The following RDX variants were observed in gnomAD, a reference collection of about 807,000 sequenced individuals.
RDX encodes the protein radixin, also known as deafness, autosomal recessive 24.
In RDX, 32 loss-of-function variants were observed where a neutral mutation model predicts 83.7. The ratio of observed to expected loss-of-function variants is 0.38; its 90% CI spans 0.29 to 0.51. The LOEUF (loss-of-function observed/expected upper bound fraction) is 0.51. RDX is among the 20% of genes least tolerant of loss of function. The pLI, the probability that RDX is intolerant of heterozygous loss-of-function variation, is 0.87. For missense variants in RDX, 600 were observed against 689.9 expected, an observed-to-expected ratio of 0.87 and a Z score of 1.46; for synonymous variants, 229 against 222.7, an observed-to-expected ratio of 1.03 and a Z score of -0.25.
intron 10 of RDX, among the ~76,000 whole-genome samples, chr11:110,240,613 C>T (rs1479829316): frequency 2.0e-5 from 3 of 151,342 alleles, no homozygotes; most frequent in African/African-American, 4.9e-5. Context: ...GGCGTGGTAG[C>T]GGGCGCCTGT....
rs758609386 is a variant in RDX at position 110,264,114 on chromosome 11, G to C, written c.313C>G (p.Gln105Glu). 1 of 1,613,660 alleles carries C rather than the reference G, an allele frequency of 6.2e-7. No homozygotes were observed. The change falls in exon 5 of 14, where the codon CAA becomes GAA. Residue 105 changes from glutamine (Q) to glutamate (E), a missense_variant. By Grantham distance (29) the Gln-to-Glu change is conservative. Transcript: ENST00000645495. ...QEITQRLFFLQVKEAILNDEI... is the reference protein window; with the variant it reads ...QEITQRLFFLEVKEAILNDEI... Reference sequence around the variant, plus strand: ...TCATTTAAGATGGCTTCTTTAACTTGCAAGAAGAAGAGTCTCTGGGTTATT... The same window carrying C: ...TCATTTAAGATGGCTTCTTTAACTTCCAAGAAGAAGAGTCTCTGGGTTATT...
chr11:110,225,352 T>C (rs1864396566), downstream of RDX, among the ~76,000 whole-genome samples: 1 of 152,214 alleles, frequency 6.6e-6, no homozygotes. Flanking sequence ...CGAAAAGGAA[T>C]ATTCCAAATC....
chr11:110,199,648 C>A (rs1222375808), exon 15 of RDX: 1 of 703,054 alleles, frequency 1.4e-6, no homozygotes, highest in Non-Finnish European at 2.6e-6. Context: ...AAGAGCGCAT[C>A]TGGAACAATG....
chr11:110,247,219 T>C (rs1021295679), intron 10 of RDX, among the ~76,000 whole-genome samples: 5 of 152,214 alleles, frequency 3.3e-5, no homozygotes, highest in Non-Finnish European at 7.4e-5. Flanking sequence ...AACACGTCTA[T>C]GTGTTGTGTA....
At chr11:110,179,781 T>C (rs1212984519) in intron 15 of RDX, 3 of 333,944 alleles carry the variant, frequency 9.0e-6, no homozygotes, top group Non-Finnish European at 1.8e-5. Context: ...AAAAAACAAT[T>C]ATAATAATAA....
intron 15 of RDX, among the ~76,000 whole-genome samples, chr11:110,193,910 T>A (rs376074466): frequency 6.6e-6 from 1 of 152,258 alleles, no homozygotes; most frequent in African/African-American, 2.4e-5. Flanking sequence ...ACCGAAGCAA[T>A]TGGTAATTTG....
intron 10 of RDX, among the ~76,000 whole-genome samples, chr11:110,243,734 C>T (rs1023747569): frequency 6.6e-6 from 1 of 151,822 alleles, no homozygotes; most frequent in Non-Finnish European, 1.5e-5. Flanking sequence ...AAAAAAAATA[C>T]ATGCAATATA....
At chr11:110,204,168 A>G (rs1463580563) in intron 14 of RDX, among the ~76,000 whole-genome samples, 1 of 152,156 alleles carries the variant, frequency 6.6e-6, no homozygotes, top group African/African-American at 2.4e-5. Context: ...AATTATTTGC[A>G]GAAAATGAAG....
chr11:110,294,847 A>G (rs1176007819), intron 1 of RDX, among the ~76,000 whole-genome samples: 1 of 152,248 alleles, frequency 6.6e-6, no homozygotes, highest in Non-Finnish European at 1.5e-5. Context: ...GGAGTGAACA[A>G]AACATTGTAT....
rs1200450199 is a variant in RDX at position 110,269,123 on chromosome 11, T to C, written c.96+3413A>G. 3.3e-5 allele frequency among the ~76,000 whole-genome samples: 5 copies of C among 152,146 alleles called. No individual in the cohort carries two copies. The South Asian group carries it at 1.0e-3, about 32-fold the overall frequency. On this transcript the variant is annotated intron_variant, in intron 3 of 13. Coordinates refer to ENST00000645495, the MANE Select transcript of RDX (RefSeq NM_002906.4). ...TGTGCACCACCACACTCAGCTAATG[T>C]TTGCATTTTTAGTAGAGACAGTTTT... is the stretch of plus-strand genomic sequence containing the variant.
chr11:110,176,052 G>T (rs925363326), intron 15 of RDX, among the ~76,000 whole-genome samples: 1 of 151,834 alleles, frequency 6.6e-6, no homozygotes, highest in African/African-American at 2.4e-5. Flanking sequence ...GGGTGAGGGC[G>T]CACCAGCACC....
chr11:110,231,699 A>T lies in RDX; in HGVS notation c.*170T>A. 1 of 731,226 alleles carries T rather than the reference A, an allele frequency of 1.4e-6. No homozygotes were observed. Among genetic ancestry groups the T allele is most frequent in the Non-Finnish European group, 2.4e-6 (1 of 409,874 alleles). 45.3% of individuals were successfully genotyped at this position (731,226 alleles called of 1,614,324 possible). ...AAAAAAGAAAACCAAGCATGATATCATACTGCCTTAATGTTGAAGAGCTCC... is the reference window on the plus strand; with the variant it reads ...AAAAAAGAAAACCAAGCATGATATCTTACTGCCTTAATGTTGAAGAGCTCC... On this transcript the variant is annotated 3_prime_UTR_variant, in exon 14 of 14. Transcript: ENST00000645495.
intron 3 of RDX, 57 bp from the exon 4 acceptor site, chr11:110,264,931 T>C (rs1469675624): frequency 1.7e-6 from 2 of 1,207,482 alleles, no homozygotes; most frequent in Non-Finnish European, 2.5e-6. Flanking sequence ...ACATTGTGTC[T>C]AGATGATACT....
intron 14 of RDX, among the ~76,000 whole-genome samples, chr11:110,221,582 A>C (rs557006562): frequency 6.7e-6 from 1 of 148,548 alleles, no homozygotes; most frequent in African/African-American, 2.5e-5. Context: ...TGGGCAACAG[A>C]GCAAGACCCT....
At chr11:110,267,596 T>G (rs1478222024) in intron 3 of RDX, among the ~76,000 whole-genome samples, 1 of 150,680 alleles carries the variant, frequency 6.6e-6, no homozygotes, top group African/African-American at 2.4e-5. Flanking sequence ...AGGCTTTTGG[T>G]TTCAAGACAG....
chr11:110,282,206 C>G (rs1860792709), intron 1 of RDX, among the ~76,000 whole-genome samples: 1 of 152,158 alleles, frequency 6.6e-6, no homozygotes, highest in African/African-American at 2.4e-5. Flanking sequence ...ACATGTGTGT[C>G]TGCATCAAAA....
intron 3 of RDX, among the ~76,000 whole-genome samples, chr11:110,266,738 T>C (rs555510273): frequency 5.9e-5 from 9 of 152,064 alleles, no homozygotes; most frequent in Middle Eastern, 3.4e-3. Context: ...TAGTTAATGT[T>C]TTTTTTTGTT....
intron 1 of RDX, among the ~76,000 whole-genome samples, chr11:110,291,982 C>T (rs545991456): frequency 4.7e-4 from 72 of 151,788 alleles, no homozygotes; most frequent in Non-Finnish European, 6.5e-4. Flanking sequence ...CCCGTATCTA[C>T]AAAAAGGCTT....
chr11:110,266,468 CA>C (rs1399461126), intron 3 of RDX, among the ~76,000 whole-genome samples: 1 of 151,880 alleles, frequency 6.6e-6, no homozygotes, highest in Non-Finnish European at 1.5e-5. Flanking sequence ...GAAAATGATC[CA>C]GGGGAGGTAA....
Sources: gnomAD v4.1 joint callset for allele counts (sites outside exome capture counted in the v4.1 genomes callset) on GRCh38, gnomAD v4.1.1 for gene constraint, MANE v1.5 for transcripts, NCBI Gene and HGNC (gene_info 2026-07-23, HGNC 2026-07-21) for gene names.